Variants in KDM4C observed in about 807,000 individuals in gnomAD.
The protein encoded by KDM4C is lysine demethylase 4C.
Under a neutral mutation model 129.3 loss-of-function variants are expected in KDM4C, and 81 were observed. That is an observed-to-expected ratio of 0.63 (90% confidence interval 0.52 to 0.75). The LOEUF is 0.75. Among genes scored for constraint, KDM4C ranks in the 30% least tolerant of loss-of-function variants. The pLI is 0.00. For missense variants in KDM4C, 1,457 were observed against 1,304.0 expected (o/e 1.12, Z -1.81); for synonymous variants, 573 against 456.1 (o/e 1.26, Z -3.26).
chr9:6,746,332 A>G (rs1405802791), intron 1 of KDM4C, among the ~76,000 whole-genome samples: 4 of 135,528 alleles, frequency 3.0e-5, no homozygotes, highest in Admixed American at 7.7e-5. Context: ...GCAGTGGAGC[A>G]ATCTCGGCTC....
intron 8 of KDM4C, among the ~76,000 whole-genome samples, chr9:6,959,863 C>G (rs1230930206): frequency 6.6e-6 from 1 of 152,040 alleles, no homozygotes; most frequent in Non-Finnish European, 1.5e-5. Flanking sequence ...TTTAAAGCCT[C>G]TTAAAATGAA....
In KDM4C at chr9:7,011,868, C is replaced by T; in HGVS notation, c.1957C>T (p.Pro653Ser). ...CTGTGCCATCTGCACTCTGCTCATG[C>T]CGTACCACAAGGTAAAGGAGCCTGC... The part of the protein sequence containing the change: ...PHCAICTLLM[P>S]YHKPDSSNEE... Residue 653 changes from proline to serine, a missense_variant, in exon 13 of 22, where the codon CCG (proline) becomes TCG (serine). Transcript: ENST00000381309. The T allele has an allele frequency of 6.2e-7, 1 of 1,613,124 alleles. No homozygotes were observed. The highest frequency in any genetic ancestry group is 8.5e-7 in the Non-Finnish European group (1 of 1,179,542).
chr9:6,807,238 T>C lies in KDM4C; in HGVS notation c.320+1464T>C, dbSNP rs148160987. On this transcript the variant is annotated intron_variant, in intron 3 of 21. Transcript: ENST00000381309. Reference sequence around the variant, plus strand: ...GCAGTGGCGTGATCTCGGCTCACTATAACCTCCCAGCCGCCTGCCTTGGCC... The same window carrying C: ...GCAGTGGCGTGATCTCGGCTCACTACAACCTCCCAGCCGCCTGCCTTGGCC... Among the ~76,000 whole-genome samples, 1,254 of 151,942 alleles carry C rather than the reference T, an allele frequency of 8.3e-3. 22 individuals carry two copies. The highest frequency in any genetic ancestry group is 0.029 in the African/African-American group (1,186 of 41,458).
intron 8 of KDM4C, among the ~76,000 whole-genome samples, chr9:6,939,959 A>ACCT (rs1825552374): frequency 2.7e-5 from 3 of 112,522 alleles, no homozygotes; most frequent in East Asian, 2.6e-4. Flanking sequence ...TCCAATAACC[A>ACCT]ACCTACCTAC....
intron 4 of KDM4C, among the ~76,000 whole-genome samples, chr9:6,838,280 C>G (rs1474239291): frequency 6.6e-6 from 1 of 152,142 alleles, no homozygotes; most frequent in African/African-American, 2.4e-5. Context: ...CTGGTCTGAA[C>G]AATTTGTTCA....
chr9:6,877,731 A>G (rs965643441), intron 5 of KDM4C, among the ~76,000 whole-genome samples: 6 of 152,192 alleles, frequency 3.9e-5, no homozygotes, highest in African/African-American at 1.4e-4. Flanking sequence ...AAGAACAATG[A>G]TTTGGCTCTT....
chr9:7,105,206 A>G (rs919672662), intron 18 of KDM4C, among the ~76,000 whole-genome samples: 1 of 152,224 alleles, frequency 6.6e-6, no homozygotes, highest in Non-Finnish European at 1.5e-5. Context: ...AGTCAATAGG[A>G]TTACCTCATT....
chr9:7,023,985 T>C (rs1447547112), intron 15 of KDM4C, among the ~76,000 whole-genome samples: 1 of 152,250 alleles, frequency 6.6e-6, no homozygotes, highest in Non-Finnish European at 1.5e-5. Context: ...TCCATTGTGG[T>C]CAAAGAAGAT....
At chr9:6,892,574 C>T (rs1205798732) in intron 7 of KDM4C, among the ~76,000 whole-genome samples, 1 of 152,070 alleles carries the variant, frequency 6.6e-6, no homozygotes, top group Non-Finnish European at 1.5e-5. Context: ...GTGAAATGGA[C>T]TGTGCTTAAT....
chr9:7,161,063 G>A (rs1564194291), intron 19 of KDM4C, among the ~76,000 whole-genome samples: 1 of 152,194 alleles, frequency 6.6e-6, no homozygotes, highest in African/African-American at 2.4e-5. Flanking sequence ...CAACCAGGCT[G>A]CCACCTCGCA....
intron 5 of KDM4C, among the ~76,000 whole-genome samples, chr9:6,869,067 TTTACATGTATATGG>T (rs1395488914): frequency 6.6e-6 from 1 of 152,212 alleles, no homozygotes; most frequent in East Asian, 1.9e-4. Flanking sequence ...GGGGAATTAA[TTTACATGTATATGG>T]TTATCGAATT....
intron 3 of KDM4C, 49 bp from the exon 4 acceptor site, chr9:6,814,582 C>G (rs751427865): frequency 2.8e-5 from 35 of 1,232,234 alleles, no homozygotes; most frequent in Non-Finnish European, 3.8e-5. Context: ...GGGAAAAACC[C>G]TAAAACTGAC....
At chr9:7,077,349 C>T (rs904802156) in intron 17 of KDM4C, 8 of 413,826 alleles carry the variant, frequency 1.9e-5, no homozygotes, top group Middle Eastern at 1.2e-3. Flanking sequence ...CCCTCAACTA[C>T]GGCTGAAAAA....
intron 19 of KDM4C, among the ~76,000 whole-genome samples, chr9:7,146,817 A>T (rs1047835864): frequency 6.6e-6 from 1 of 152,168 alleles, no homozygotes; most frequent in Non-Finnish European, 1.5e-5. Context: ...AGGCTGTTTC[A>T]GATTCCAATG....
chr9:6,858,837 T>G (rs1423952287), intron 5 of KDM4C, among the ~76,000 whole-genome samples: 2 of 152,192 alleles, frequency 1.3e-5, no homozygotes, highest in East Asian at 3.9e-4. Flanking sequence ...GCTTTATCAT[T>G]TTTTTGGTAT....
At chr9:7,070,487 A>C (rs1833044678) in intron 17 of KDM4C, among the ~76,000 whole-genome samples, 1 of 152,188 alleles carries the variant, frequency 6.6e-6, no homozygotes, top group Non-Finnish European at 1.5e-5. Context: ...CATCATAATA[A>C]TTAACAAACT....
At chr9:6,850,944 G>C (rs570816431) in intron 5 of KDM4C, among the ~76,000 whole-genome samples, 2 of 146,066 alleles carry the variant, frequency 1.4e-5, no homozygotes, top group African/African-American at 5.1e-5. Context: ...TAGTAGAGAT[G>C]GGGTTTCACC....
chr9:7,048,326 G>C (rs1224747084), intron 16 of KDM4C, among the ~76,000 whole-genome samples: 1 of 152,140 alleles, frequency 6.6e-6, no homozygotes, highest in African/African-American at 2.4e-5. Flanking sequence ...AGACAGGATA[G>C]AGTCTGATAC....
At chr9:7,115,620 AT>A (rs1470538928) in intron 18 of KDM4C, among the ~76,000 whole-genome samples, 1 of 152,224 alleles carries the variant, frequency 6.6e-6, no homozygotes, top group Non-Finnish European at 1.5e-5. Context: ...ATGAAAGTAT[AT>A]TTTTAAGACT....
Sources: gnomAD v4.1 joint callset for allele counts (sites outside exome capture counted in the v4.1 genomes callset) on GRCh38, gnomAD v4.1.1 for gene constraint, MANE v1.5 for transcripts, NCBI Gene and HGNC (gene_info 2026-07-23, HGNC 2026-07-21) for gene names.